Variants in EXOC4 observed in about 807,000 individuals in gnomAD.
EXOC4 encodes the protein exocyst complex component 4.
A neutral mutation model predicts 107.2 loss-of-function variants in EXOC4; 71 were observed. That is an observed-to-expected ratio of 0.66 (90% CI 0.55 to 0.81). The LOEUF (loss-of-function observed/expected upper bound fraction) is 0.81. Ranked by LOEUF, EXOC4 falls within the 30% of genes least tolerant of loss-of-function variation. EXOC4 has a pLI of 0.00. For missense variants in EXOC4, 1,108 were observed against 1,189.6 expected, an observed-to-expected ratio of 0.93 and a Z score of 1.01; for synonymous variants, 456 against 441.2, an observed-to-expected ratio of 1.03 and a Z score of -0.42.
chr7:133,254,149 A>G (rs929374751), intron 1 of EXOC4: 1 of 152,216 alleles, frequency 6.6e-6, no homozygotes, highest in African/African-American at 2.4e-5. Context: ...GCCCAACATT[A>G]TCTGGTAGGT....
chr7:133,346,034 A>G (rs1213472261), intron 5 of EXOC4, among the ~76,000 whole-genome samples: 2 of 152,188 alleles, frequency 1.3e-5, no homozygotes, highest in African/African-American at 2.4e-5. Flanking sequence ...ATTGCTCTCA[A>G]CCTGTACCAG....
At chr7:133,744,725 C>G (rs2151132215) in intron 10 of EXOC4, among the ~76,000 whole-genome samples, 1 of 152,262 alleles carries the variant, frequency 6.6e-6, no homozygotes, top group Admixed American at 6.5e-5. Flanking sequence ...TGTAAAACCT[C>G]CAGCAAGTAA....
chr7:133,568,507 A>G (rs1402278001), intron 9 of EXOC4, among the ~76,000 whole-genome samples: 1 of 152,124 alleles, frequency 6.6e-6, no homozygotes, highest in South Asian at 2.1e-4. Flanking sequence ...TAAATTTTCA[A>G]TTTGTTTGGC....
intron 10 of EXOC4, among the ~76,000 whole-genome samples, chr7:133,702,340 T>TCTCTTCCCTTCCCACCCCTCCCCTC: frequency 2.0e-5 from 1 of 50,366 alleles, no homozygotes; most frequent in Non-Finnish European, 3.7e-5. Flanking sequence ...TCTCTTCTCT[T>TCTCTTCCCTTCCCACCCCTCCCCTC]CTCTTCCCTT....
intron 3 of EXOC4, among the ~76,000 whole-genome samples, chr7:133,293,073 T>C (rs1794443092): frequency 6.6e-6 from 1 of 152,214 alleles, no homozygotes; most frequent in African/African-American, 2.4e-5. Context: ...ATTTGAAATA[T>C]GTTACATTTG....
intron 10 of EXOC4, among the ~76,000 whole-genome samples, chr7:133,752,003 A>G (rs1795803509): frequency 6.6e-6 from 1 of 151,618 alleles, no homozygotes; most frequent in African/African-American, 2.4e-5. Flanking sequence ...ATAAATAAAT[A>G]AATAAATAAA....
At chr7:133,306,835 T>C (rs555717226) in intron 4 of EXOC4, among the ~76,000 whole-genome samples, 46 of 152,358 alleles carry the variant, frequency 3.0e-4, no homozygotes, top group African/African-American at 1.1e-3. Flanking sequence ...AGAACACTTT[T>C]ATTCCTTGGT....
intron 10 of EXOC4, among the ~76,000 whole-genome samples, chr7:133,670,909 T>C (rs1638910905): frequency 6.6e-6 from 1 of 152,082 alleles, no homozygotes; most frequent in Non-Finnish European, 1.5e-5. Flanking sequence ...GCCTCAGGTG[T>C]GTTAAGTACT....
intron 9 of EXOC4, among the ~76,000 whole-genome samples, chr7:133,495,825 A>G (rs1342970951): frequency 6.6e-6 from 1 of 152,178 alleles, no homozygotes; most frequent in Non-Finnish European, 1.5e-5. Flanking sequence ...GAATATACCT[A>G]GGAATGGAAT....
chr7:133,262,230 G>T (rs1369233111), intron 1 of EXOC4, among the ~76,000 whole-genome samples: 2 of 152,188 alleles, frequency 1.3e-5, no homozygotes, highest in African/African-American at 2.4e-5. Flanking sequence ...TGGCAGCTGG[G>T]TGCAGTGATA....
In EXOC4 at chr7:133,709,915, GATT is replaced by G. The variant is rs1250242679; in HGVS notation, c.1514+79778_1514+79780del. ...GCATTAGCTAGACTGCTATTACTGT[GATT>G]ATTGTTATTGCTGTAGTTATTATTA... is the stretch of plus-strand genomic sequence containing the variant. On this transcript the variant is annotated intron_variant, in intron 10 of 17. Transcript: ENST00000253861. Among the ~76,000 whole-genome samples the G allele has an allele frequency of 4.6e-5, 7 of 152,114 alleles. No homozygotes were observed. In the South Asian group the frequency reaches 1.5e-3, roughly 32 times the overall value.
In EXOC4 at chr7:133,564,475, A is replaced by G. The variant is rs527718890; in HGVS notation, c.1418-65570A>G. Among the ~76,000 whole-genome samples the G allele has an allele frequency of 4.6e-5, 7 of 152,310 alleles. No individual in the cohort carries two copies. The East Asian group carries it at 1.4e-3, about 29-fold the overall frequency. ...GAGAGCTGGACGGGAACACAGATCC[A>G]AACCATATCACAGGTCAAATTCAAG... is the stretch of plus-strand genomic sequence containing the variant. On this transcript the variant is annotated intron_variant, in intron 9 of 17. Coordinates refer to ENST00000253861, the MANE Select transcript of EXOC4 (RefSeq NM_021807.4).
chr7:133,374,416 A>G lies in EXOC4; in HGVS notation c.1008-412A>G, dbSNP rs571021478. Among the ~76,000 whole-genome samples, 198 of 152,262 alleles carry G rather than the reference A, an allele frequency of 1.3e-3. 1 individual carries two copies. Among genetic ancestry groups the G allele is most frequent in the African/African-American group, 4.6e-3 (191 of 41,568 alleles). The stretch of plus-strand genomic sequence containing the variant: ...TTATCAAAGTGCCTAATTTATTGCT[A>G]GGGAATAGCATATTCTGTGTAACAT... On this transcript the variant is annotated intron_variant, in intron 6 of 17. Coordinates refer to ENST00000253861, the MANE Select transcript of EXOC4 (RefSeq NM_021807.4).
chr7:133,687,256 A>G (rs563245902), intron 10 of EXOC4, among the ~76,000 whole-genome samples: 2 of 152,034 alleles, frequency 1.3e-5, no homozygotes, highest in East Asian at 3.9e-4. Context: ...CACTCGGGAA[A>G]GGGTGGGAGG....
chr7:133,734,099 T>C lies in EXOC4; in HGVS notation c.1515-83226T>C, dbSNP rs1421929301. Among the ~76,000 whole-genome samples the C allele has an allele frequency of 2.0e-5, 3 of 152,220 alleles. No individual in the cohort carries two copies. In the East Asian group the frequency reaches 5.8e-4, roughly 29 times the overall value. On this transcript the variant is annotated intron_variant, in intron 10 of 17. Coordinates refer to ENST00000253861, the MANE Select transcript of EXOC4 (RefSeq NM_021807.4). ...AATATATGGATTTTTATACAAACCA[T>C]TTACCAACCACTAGACAATAGCGCC...
chr7:134,096,117 A>G, the EXOC4 span, among the ~76,000 whole-genome samples: 5 of 152,190 alleles, frequency 3.3e-5, no homozygotes, highest in Non-Finnish European at 5.9e-5. Flanking sequence ...AACAAAACAC[A>G]TTAGAAAGTG....
intron 14 of EXOC4, among the ~76,000 whole-genome samples, chr7:133,980,639 G>T (rs968451833): frequency 1.3e-5 from 2 of 152,190 alleles, no homozygotes; most frequent in African/African-American, 4.8e-5. Context: ...CTTTTACTTA[G>T]CGAAAAATAT....
chr7:133,321,106 C>T (rs1385794794), intron 5 of EXOC4, among the ~76,000 whole-genome samples: 2 of 152,040 alleles, frequency 1.3e-5, no homozygotes, highest in Admixed American at 1.3e-4. Flanking sequence ...AGAGGAAGTT[C>T]CATTAGGGAA....
intron 12 of EXOC4, among the ~76,000 whole-genome samples, chr7:133,908,701 CA>C (rs1799622696): frequency 6.6e-6 from 1 of 152,124 alleles, no homozygotes; most frequent in African/African-American, 2.4e-5. Context: ...ATGCATAGCT[CA>C]TGGAAAAGGT....
Sources: gnomAD v4.1 joint callset for allele counts (sites outside exome capture counted in the v4.1 genomes callset) on GRCh38, gnomAD v4.1.1 for gene constraint, MANE v1.5 for transcripts, NCBI Gene and HGNC (gene_info 2026-07-23, HGNC 2026-07-21) for gene names.